PLB1: variants seen among roughly 807,000 people sequenced by gnomAD.
PLB1 encodes phospholipase B1, membrane-associated.
A neutral mutation model predicts 227.4 loss-of-function variants in PLB1; 242 were observed. That is an observed-to-expected ratio of 1.06 (90% CI 0.96 to 1.18). The LOEUF is 1.18. Among genes scored for constraint, PLB1 ranks in the 50% most tolerant of loss-of-function variants. The pLI is 0.00. For missense variants in PLB1, 1,858 were observed against 1,816.3 expected, an observed-to-expected ratio of 1.02 and a Z score of -0.42; for synonymous variants, 757 against 682.2, an observed-to-expected ratio of 1.11 and a Z score of -1.71.
At chr2:28,622,245 G>T (rs574141546) in intron 49 of PLB1, among the ~76,000 whole-genome samples, 12 of 152,316 alleles carry the variant, frequency 7.9e-5, no homozygotes, top group Admixed American at 1.3e-4. Flanking sequence ...ATATCATAGG[G>T]TGTGGGATCA....
chr2:28,629,765 G>C (rs1688336201), intron 53 of PLB1, among the ~76,000 whole-genome samples: 1 of 152,200 alleles, frequency 6.6e-6, no homozygotes, highest in African/African-American at 2.4e-5. Flanking sequence ...AGCTGGGCTT[G>C]GAGGCAAGGT....
At chr2:28,638,827 G>GAAAAAAAAAAA (rs35972276) in intron 56 of PLB1, among the ~76,000 whole-genome samples, 1 of 63,620 alleles carries the variant, frequency 1.6e-5, no homozygotes, top group Non-Finnish European at 2.9e-5. Flanking sequence ...GCTGGAGATT[G>GAAAAAAAAAAA]AAAAAAAAAA....
At chr2:28,596,691 T>C (rs1259728908) in intron 33 of PLB1, among the ~76,000 whole-genome samples, 4 of 152,178 alleles carry the variant, frequency 2.6e-5, no homozygotes, top group African/African-American at 9.7e-5. Flanking sequence ...AATCAGACGC[T>C]TAAACAAACG....
chr2:28,641,617 G>T (rs1413277755), intron 57 of PLB1, among the ~76,000 whole-genome samples: 2 of 152,064 alleles, frequency 1.3e-5, no homozygotes, highest in Non-Finnish European at 2.9e-5. Context: ...AAAATAAAGT[G>T]CATCAAGCAG....
At chr2:28,597,884 C>T (rs1683219496) in intron 33 of PLB1, 121 bp from the exon 34 acceptor site, 1 of 927,146 alleles carries the variant, frequency 1.1e-6, no homozygotes, top group Non-Finnish European at 1.8e-6. Flanking sequence ...ATGGGTCTGG[C>T]CCATCTCAAA....
intron 1 of PLB1, among the ~76,000 whole-genome samples, chr2:28,496,940 G>A (rs935958439): frequency 1.3e-5 from 2 of 152,228 alleles, no homozygotes; most frequent in African/African-American, 4.8e-5. Flanking sequence ...AGGAGGCATG[G>A]GACAGAGTCC....
At chr2:28,510,342 C>T (rs946058538) in intron 1 of PLB1, among the ~76,000 whole-genome samples, 15 of 152,130 alleles carry the variant, frequency 9.9e-5, no homozygotes, top group Admixed American at 5.2e-4. Flanking sequence ...CACATGTTCA[C>T]GATCACCACT....
At chr2:28,568,026 G>A (rs945924253) in intron 20 of PLB1, among the ~76,000 whole-genome samples, 3 of 152,112 alleles carry the variant, frequency 2.0e-5, no homozygotes, top group African/African-American at 7.2e-5. Flanking sequence ...GGATGAGGGG[G>A]ACATCATAGC....
chr2:28,616,365 A>G (rs547651143), intron 44 of PLB1, among the ~76,000 whole-genome samples: 14 of 152,372 alleles, frequency 9.2e-5, no homozygotes, highest in Admixed American at 2.0e-4. Flanking sequence ...TAATATGTCA[A>G]TTAAAAATAA....
At chr2:28,576,228 C>A (rs1678909286) in intron 21 of PLB1, among the ~76,000 whole-genome samples, 1 of 152,190 alleles carries the variant, frequency 6.6e-6, no homozygotes, top group Admixed American at 6.5e-5. Flanking sequence ...CACAAAGAGG[C>A]CACATGGCCT....
rs779678018 is a variant in PLB1 at position 28,598,036 on chromosome 2, A to T, written c.2353A>T (p.Thr785Ser). 11 of 1,613,044 alleles carry T rather than the reference A, an allele frequency of 6.8e-6. No homozygotes were observed. The Admixed American group carries it at 1.8e-4, about 27-fold the overall frequency. Reference sequence around the variant, plus strand: ...AGGGGACGGCTCCCTGGAGAATGTGACCACCTTACCTAGTAAGTAACCATC... The same window carrying T: ...AGGGGACGGCTCCCTGGAGAATGTGTCCACCTTACCTAGTAAGTAACCATC... ...AGGDGSLENV[T>S]TLPNILREFN... The change falls in exon 34 of 58, where the codon ACC becomes TCC. Residue 785 changes from threonine (T) to serine (S), a missense_variant. Thr to Ser is a moderately conservative substitution (Grantham distance 58). Transcript: ENST00000327757.
At position 28,589,716 on chromosome 2, in the gene PLB1, C is replaced by G. The variant is rs775735958; in HGVS notation, c.1962C>G (p.Phe654Leu). 3.7e-6 allele frequency: 6 copies of G among 1,614,084 alleles called. No homozygotes were observed. Among genetic ancestry groups the G allele is most frequent in the Admixed American group, 1.7e-5 (1 of 60,032 alleles). ...ACTCTTTCTTCGCTCCTGACTGTTT[C>G]CACTTCAGCAGCAAGTCTCACTCCC... The part of the protein sequence containing the change: ...PDNSFFAPDC[F>L]HFSSKSHSRA... Residue 654 changes from phenylalanine to leucine, a missense_variant, in exon 28 of 58, where the codon TTC becomes TTG. By Grantham distance (22) the Phe-to-Leu change is conservative. Transcript: ENST00000327757.
At chr2:28,523,248 C>T (rs1669766238) in intron 4 of PLB1, among the ~76,000 whole-genome samples, 1 of 151,732 alleles carries the variant, frequency 6.6e-6, no homozygotes, top group African/African-American at 2.4e-5. Flanking sequence ...TATACATTCT[C>T]ATTCTCCAAT....
intron 14 of PLB1, among the ~76,000 whole-genome samples, chr2:28,548,108 C>T (rs1481559388): frequency 1.3e-5 from 2 of 152,054 alleles, no homozygotes; most frequent in Non-Finnish European, 2.9e-5. Context: ...GTGCTGTGTT[C>T]CATGTCACTG....
chr2:28,618,483 T>A, intron 46 of PLB1, 84 bp downstream of exon 46: 3 of 1,418,204 alleles, frequency 2.1e-6, no homozygotes, highest in Non-Finnish European at 3.0e-6. Flanking sequence ...CAGCATTGGC[T>A]CCGCTTTCAG....
chr2:28,628,123 G>C (rs923126495), intron 51 of PLB1, among the ~76,000 whole-genome samples: 1 of 152,210 alleles, frequency 6.6e-6, no homozygotes, highest in Non-Finnish European at 1.5e-5. Flanking sequence ...GGGGATAGAA[G>C]TTAGGGGAAC....
At chr2:28,529,870 T>G in intron 8 of PLB1, 91 bp downstream of exon 8, 1 of 1,257,708 alleles carries the variant, frequency 8.0e-7, no homozygotes, top group Non-Finnish European at 1.2e-6. Flanking sequence ...CGTACCATTT[T>G]ACCATGAACT....
At chr2:28,637,989 G>A (rs766980267) in intron 56 of PLB1, among the ~76,000 whole-genome samples, 13 of 152,052 alleles carry the variant, frequency 8.5e-5, no homozygotes, top group Admixed American at 2.6e-4. Context: ...CCCCCGCCAA[G>A]CTTCTCCATT....
chr2:28,524,277 A>G (rs1038667009), intron 4 of PLB1, among the ~76,000 whole-genome samples: 4 of 152,220 alleles, frequency 2.6e-5, no homozygotes, highest in Non-Finnish European at 5.9e-5. Context: ...TGAAAATAAT[A>G]CAACCAAGGA....
Sources: allele counts gnomAD v4.1 joint callset (sites outside exome capture counted in the v4.1 genomes callset), GRCh38; gene constraint gnomAD v4.1.1; transcripts MANE v1.5; gene names NCBI Gene and HGNC (gene_info 2026-07-23, HGNC 2026-07-21).